The following SLC22A3 variants were observed in gnomAD, a reference collection of about 807,000 sequenced individuals.
SLC22A3 encodes the protein solute carrier family 22 member 3, also known as EMT organic cation transporter 3.
Under a neutral mutation model 59.1 loss-of-function variants are expected in SLC22A3, and 51 were observed. The ratio of observed to expected loss-of-function variants is 0.86; its 90% CI spans 0.69 to 1.09. SLC22A3 has a LOEUF of 1.09. Ranked by LOEUF, SLC22A3 falls within the 50% of genes least tolerant of loss-of-function variation. SLC22A3 has a pLI of 0.00. For synonymous variants in SLC22A3, 325 were observed against 292.0 expected, an observed-to-expected ratio of 1.11 and a Z score of -1.15; for missense variants, 711 against 726.3, an observed-to-expected ratio of 0.98 and a Z score of 0.24.
intron 1 of SLC22A3, among the ~76,000 whole-genome samples, chr6:160,359,831 T>A (rs1274942637): frequency 6.6e-6 from 1 of 151,492 alleles, no homozygotes; most frequent in Non-Finnish European, 1.5e-5. Flanking sequence ...GTTTGAACAG[T>A]GATTTTTTTA....
chr6:160,392,058 C>T (rs1786279914), intron 1 of SLC22A3, among the ~76,000 whole-genome samples: 1 of 152,154 alleles, frequency 6.6e-6, no homozygotes, highest in Non-Finnish European at 1.5e-5. Flanking sequence ...TAAATCACCC[C>T]ATTCTGGGCA....
intron 1 of SLC22A3, among the ~76,000 whole-genome samples, chr6:160,356,132 A>G (rs1244464606): frequency 1.3e-5 from 2 of 152,240 alleles, no homozygotes; most frequent in African/African-American, 4.8e-5. Context: ...AGATTAACCC[A>G]GGCCCTCTAC....
intron 1 of SLC22A3, among the ~76,000 whole-genome samples, chr6:160,361,244 G>A (rs1458316223): frequency 6.6e-6 from 1 of 152,120 alleles, no homozygotes; most frequent in Non-Finnish European, 1.5e-5. Flanking sequence ...GTACAAAGGT[G>A]GACTCAGGGT....
chr6:160,439,638 T>A (rs2114919446), intron 7 of SLC22A3, among the ~76,000 whole-genome samples: 1 of 152,354 alleles, frequency 6.6e-6, no homozygotes, highest in African/African-American at 2.4e-5. Flanking sequence ...TTCTCCCTTG[T>A]CTAACCAGTT....
At chr6:160,420,106 T>C (rs1272925505) in intron 5 of SLC22A3, among the ~76,000 whole-genome samples, 1 of 152,210 alleles carries the variant, frequency 6.6e-6, no homozygotes, top group African/African-American at 2.4e-5. Context: ...CAGCACTCAT[T>C]TCCTTCCCCA....
intron 1 of SLC22A3, among the ~76,000 whole-genome samples, chr6:160,360,197 C>G (rs575750402): frequency 2.0e-5 from 3 of 152,134 alleles, no homozygotes; most frequent in Non-Finnish European, 4.4e-5. Flanking sequence ...GTGGCTCATG[C>G]CTGTAATCAC....
chr6:160,365,797 C>G (rs1785183967), intron 1 of SLC22A3, among the ~76,000 whole-genome samples: 1 of 152,060 alleles, frequency 6.6e-6, no homozygotes, highest in Non-Finnish European at 1.5e-5. Flanking sequence ...AATTGACTCA[C>G]AGTACAGAAT....
intron 1 of SLC22A3, among the ~76,000 whole-genome samples, chr6:160,362,024 G>T (rs538773866): frequency 6.6e-6 from 1 of 152,272 alleles, no homozygotes; most frequent in Non-Finnish European, 1.5e-5. Context: ...CATCCTAAGT[G>T]TGCTAATACT....
intron 1 of SLC22A3, among the ~76,000 whole-genome samples, chr6:160,363,625 C>T (rs1785100560): frequency 6.6e-6 from 1 of 152,206 alleles, no homozygotes; most frequent in Admixed American, 6.5e-5. Flanking sequence ...CCCCACAGGA[C>T]AGAGCATAGA....
intron 2 of SLC22A3, among the ~76,000 whole-genome samples, chr6:160,403,523 G>C (rs1181931609): frequency 6.6e-6 from 1 of 151,874 alleles, no homozygotes; most frequent in Admixed American, 6.6e-5. Flanking sequence ...TAGAAGTAGA[G>C]GGATTGCTTT....
At chr6:160,422,746 A>C (rs761151857) in intron 5 of SLC22A3, among the ~76,000 whole-genome samples, 4 of 150,786 alleles carry the variant, frequency 2.7e-5, no homozygotes, top group Non-Finnish European at 5.9e-5. Flanking sequence ...AGAAGGATTT[A>C]GATGATGTTA....
At chr6:160,446,696 T>G (rs1256697113) in intron 9 of SLC22A3, among the ~76,000 whole-genome samples, 1 of 152,154 alleles carries the variant, frequency 6.6e-6, no homozygotes, top group Non-Finnish European at 1.5e-5. Flanking sequence ...CAGCTACATT[T>G]TCAAGAATTT....
rs372332472 is a variant in SLC22A3 at position 160,443,458 on chromosome 6, C to T, written c.1398-172C>T. Among the ~76,000 whole-genome samples the T allele has an allele frequency of 1.3e-4, 20 of 152,338 alleles. 1 individual carries two copies. In the South Asian group the frequency reaches 3.9e-3, roughly 30 times the overall value. ...CTTCCTCACTAGCCTTACTGTGAAA[C>T]GTGCAGAATGGAAATGTTTTGCTTA... On this transcript the variant is annotated intron_variant, in intron 8 of 10. Coordinates refer to ENST00000275300, the MANE Select transcript of SLC22A3 (RefSeq NM_021977.4).
intron 5 of SLC22A3, among the ~76,000 whole-genome samples, chr6:160,414,667 CAGG>C (rs1375754647): frequency 6.6e-6 from 1 of 152,142 alleles, no homozygotes; most frequent in Non-Finnish European, 1.5e-5. Flanking sequence ...TGGCAGCAGG[CAGG>C]AGAAGTGCCG....
chr6:160,414,849 G>A (rs528463952), intron 5 of SLC22A3, among the ~76,000 whole-genome samples: 6 of 152,234 alleles, frequency 3.9e-5, no homozygotes, highest in Admixed American at 3.9e-4. Flanking sequence ...GATTTGGGTG[G>A]GGACACAGCC....
At chr6:160,414,811 G>A (rs374104225) in intron 5 of SLC22A3, among the ~76,000 whole-genome samples, 3 of 152,124 alleles carry the variant, frequency 2.0e-5, no homozygotes, top group Admixed American at 6.5e-5. Context: ...TGACACATGG[G>A]GATTATGGGA....
intron 7 of SLC22A3, among the ~76,000 whole-genome samples, chr6:160,440,635 T>C (rs1292042314): frequency 6.6e-6 from 1 of 152,252 alleles, no homozygotes; most frequent in Non-Finnish European, 1.5e-5. Flanking sequence ...AAAATGAATT[T>C]AGCTTATTAC....
At chr6:160,432,398 C>CT (rs777727391) in intron 5 of SLC22A3, among the ~76,000 whole-genome samples, 66 of 144,162 alleles carry the variant, frequency 4.6e-4, no homozygotes, top group East Asian at 2.6e-3. Flanking sequence ...TAAAAGTGAG[C>CT]TTTTTTTTTT....
intron 5 of SLC22A3, among the ~76,000 whole-genome samples, chr6:160,428,437 A>C (rs1788041975): frequency 6.6e-6 from 1 of 152,246 alleles, no homozygotes; most frequent in South Asian, 2.1e-4. Flanking sequence ...TGTGCAGTCA[A>C]ACACATGAGA....
Sources: allele counts gnomAD v4.1 joint callset (sites outside exome capture counted in the v4.1 genomes callset), GRCh38; gene constraint gnomAD v4.1.1; transcripts MANE v1.5; gene names NCBI Gene and HGNC (gene_info 2026-07-23, HGNC 2026-07-21).